The following ESRRG variants were observed in gnomAD, a reference collection of about 807,000 sequenced individuals.
ESRRG encodes the protein estrogen-related receptor gamma.
ESRRG carries 13 observed loss-of-function variants against 44.0 expected under a neutral mutation model. The ratio of observed to expected loss-of-function variants is 0.30; its 90% CI spans 0.19 to 0.47. The LOEUF (loss-of-function observed/expected upper bound fraction) is 0.47. Ranked by LOEUF, ESRRG falls within the 20% of genes least tolerant of loss-of-function variation. The pLI is 1.00. For synonymous variants in ESRRG, 215 were observed against 214.6 expected, an observed-to-expected ratio of 1.00 and a Z score of -0.02; for missense variants, 395 against 580.6, an observed-to-expected ratio of 0.68 and a Z score of 3.29.
In ESRRG at chr1:217,074,882, A is replaced by C. The variant is rs9970460; in HGVS notation, c.-106+14625T>G. Among the ~76,000 whole-genome samples, 987 of 152,336 alleles carry C rather than the reference A, an allele frequency of 6.5e-3. 12 individuals carry two copies. The highest frequency in any genetic ancestry group is 0.022 in the African/African-American group (922 of 41,574). On this transcript the variant is annotated intron_variant, in intron 1 of 7. Transcript: ENST00000359162. ...GTACAGTTGTCACTATGACAGGACC[A>C]AACAATGGTGTGAATAGTGTCCTCC...
chr1:216,871,118 A>G (rs115694302), intron 2 of ESRRG, among the ~76,000 whole-genome samples: 1,694 of 152,114 alleles, frequency 0.011, 35 homozygotes, highest in African/African-American at 0.039. Context: ...CTAATAGCAT[A>G]TAATGCTATA....
chr1:216,783,541 G>A (rs1166683701), intron 2 of ESRRG, among the ~76,000 whole-genome samples: 1 of 151,934 alleles, frequency 6.6e-6, no homozygotes, highest in African/African-American at 2.4e-5. Flanking sequence ...AGTTTCTGTT[G>A]TGCATTTATA....
chr1:217,030,205 G>A (rs1305279661), intron 1 of ESRRG, among the ~76,000 whole-genome samples: 1 of 151,760 alleles, frequency 6.6e-6, no homozygotes, highest in Non-Finnish European at 1.5e-5. Flanking sequence ...CATAAACCAA[G>A]TGATCAAACC....
chr1:216,634,667 C>T (rs1215045078), intron 3 of ESRRG, among the ~76,000 whole-genome samples: 4 of 152,272 alleles, frequency 2.6e-5, no homozygotes, highest in South Asian at 2.1e-4. Context: ...GTCCACCCAG[C>T]GAGCAGACTG....
intron 2 of ESRRG, among the ~76,000 whole-genome samples, chr1:216,669,839 T>C (rs1041184536): frequency 6.6e-6 from 1 of 151,790 alleles, no homozygotes; most frequent in African/African-American, 2.4e-5. Flanking sequence ...TGAGCCAAGA[T>C]GGCACCACTG....
At chr1:217,119,160 C>A (rs935056351) in intron 1 of ESRRG, among the ~76,000 whole-genome samples, 1 of 152,128 alleles carries the variant, frequency 6.6e-6, no homozygotes, top group African/African-American at 2.4e-5. Context: ...TGGGTTAATG[C>A]AATTAAAATA....
chr1:217,002,108 C>G (rs979885387), intron 1 of ESRRG, among the ~76,000 whole-genome samples: 10 of 151,664 alleles, frequency 6.6e-5, no homozygotes, highest in Non-Finnish European at 1.2e-4. Context: ...TTGAGACCAG[C>G]CTGGTCAACA....
chr1:216,512,372 C>A (rs1027718901), intron 6 of ESRRG, among the ~76,000 whole-genome samples: 2 of 152,122 alleles, frequency 1.3e-5, no homozygotes, highest in Non-Finnish European at 2.9e-5. Flanking sequence ...CCATGTACAT[C>A]AAATGCCCTG....
intron 1 of ESRRG, among the ~76,000 whole-genome samples, chr1:217,086,260 G>T (rs571377107): frequency 2.0e-5 from 3 of 152,178 alleles, no homozygotes; most frequent in Non-Finnish European, 1.5e-5. Flanking sequence ...ACAGTACCTA[G>T]AAGGCAGATA....
chr1:216,794,221 G>A (rs1559662490), intron 2 of ESRRG, among the ~76,000 whole-genome samples: 1 of 152,138 alleles, frequency 6.6e-6, no homozygotes, highest in Non-Finnish European at 1.5e-5. Flanking sequence ...AAAGGCTGAC[G>A]TAAGTGTAAA....
chr1:216,736,574 C>T (rs2152183942), intron 2 of ESRRG, among the ~76,000 whole-genome samples: 1 of 152,246 alleles, frequency 6.6e-6, no homozygotes, highest in South Asian at 2.1e-4. Context: ...CTCTGAAGCT[C>T]CCCTCTTTCT....
At chr1:217,089,353 G>A (rs1255115357) in intron 1 of ESRRG, among the ~76,000 whole-genome samples, 1 of 114,584 alleles carries the variant, frequency 8.7e-6, no homozygotes, top group Non-Finnish European at 1.8e-5. Flanking sequence ...TATTCAGGGA[G>A]GGGTTGCTTT....
At chr1:216,946,761 G>A (rs1187994518) in intron 1 of ESRRG, among the ~76,000 whole-genome samples, 2 of 151,418 alleles carry the variant, frequency 1.3e-5, no homozygotes, top group African/African-American at 4.8e-5. Flanking sequence ...CTGTCACCAC[G>A]GCTGGAGTGC....
intron 5 of ESRRG, among the ~76,000 whole-genome samples, chr1:216,527,416 T>C (rs978699510): frequency 6.6e-6 from 1 of 152,148 alleles, no homozygotes; most frequent in Non-Finnish European, 1.5e-5. Context: ...CATTCCCTCA[T>C]CAAAATGCTT....
intron 5 of ESRRG, among the ~76,000 whole-genome samples, chr1:216,547,210 C>T (rs1384483625): frequency 6.6e-6 from 1 of 151,728 alleles, no homozygotes. Flanking sequence ...GGCCTGGCAC[C>T]TAGCAAGAGC....
chr1:216,651,619 C>T (rs2068984756), intron 2 of ESRRG, among the ~76,000 whole-genome samples: 2 of 152,040 alleles, frequency 1.3e-5, no homozygotes, highest in African/African-American at 2.4e-5. Context: ...ATAGTTGTTG[C>T]TTTAGCACTT....
intron 5 of ESRRG, among the ~76,000 whole-genome samples, chr1:216,549,503 C>T (rs893923796): frequency 1.1e-4 from 17 of 152,010 alleles, no homozygotes; most frequent in African/African-American, 3.9e-4. Flanking sequence ...TATTGAGTTG[C>T]CAGGAGAGCA....
chr1:216,807,349 T>A (rs1233400364), intron 2 of ESRRG, among the ~76,000 whole-genome samples: 1 of 152,150 alleles, frequency 6.6e-6, no homozygotes, highest in Non-Finnish European at 1.5e-5. Flanking sequence ...GTGGTTCAGG[T>A]CTGATAGTCA....
At chr1:216,799,786 C>T (rs1286921181) in intron 2 of ESRRG, among the ~76,000 whole-genome samples, 2 of 152,114 alleles carry the variant, frequency 1.3e-5, no homozygotes, top group African/African-American at 2.4e-5. Flanking sequence ...TAAACACAAA[C>T]TAGAAAAAGC....
Sources: gnomAD v4.1 joint callset for allele counts (sites outside exome capture counted in the v4.1 genomes callset) on GRCh38, gnomAD v4.1.1 for gene constraint, MANE v1.5 for transcripts, NCBI Gene and HGNC (gene_info 2026-07-23, HGNC 2026-07-21) for gene names.